SGCD: variants seen among roughly 807,000 people sequenced by gnomAD.
SGCD encodes the protein delta-sarcoglycan.
Under a neutral mutation model 36.6 loss-of-function variants are expected in SGCD, and 18 were observed. That is an observed-to-expected ratio of 0.49 (90% CI 0.34 to 0.73). The LOEUF is 0.73. Ranked by LOEUF, SGCD falls within the 30% of genes least tolerant of loss-of-function variation. The probability of loss-of-function intolerance (pLI) is 0.01; values close to 1 mark genes in which losing one functional copy is unlikely to be tolerated. For missense variants in SGCD, 387 were observed against 346.7 expected, an observed-to-expected ratio of 1.12 and a Z score of -0.92; for synonymous variants, 133 against 130.6, an observed-to-expected ratio of 1.02 and a Z score of -0.12.
intron 4 of SGCD, among the ~76,000 whole-genome samples, chr5:156,517,326 G>A (rs1757218936): frequency 6.6e-6 from 1 of 152,170 alleles, no homozygotes; most frequent in African/African-American, 2.4e-5. Context: ...AAGCTGCCAT[G>A]AACTATAGGA....
intron 3 of SGCD, among the ~76,000 whole-genome samples, chr5:156,300,173 C>T (rs1401720011): frequency 1.3e-5 from 2 of 152,034 alleles, no homozygotes; most frequent in Non-Finnish European, 2.9e-5. Context: ...CTTTATTCAG[C>T]ATCAACTAAA....
intron 4 of SGCD, among the ~76,000 whole-genome samples, chr5:156,528,535 A>C (rs1330761570): frequency 6.6e-6 from 1 of 152,178 alleles, no homozygotes; most frequent in Non-Finnish European, 1.5e-5. Flanking sequence ...TTGGAGAGAC[A>C]AACATCTCTT....
chr5:155,899,836 G>A (rs1756348684), intron 1 of SGCD, among the ~76,000 whole-genome samples: 2 of 152,154 alleles, frequency 1.3e-5, no homozygotes, highest in South Asian at 2.1e-4. Context: ...AGTTTTAGAC[G>A]CTTTGGAAAT....
At chr5:156,433,675 T>A (rs1753120289) in intron 3 of SGCD, among the ~76,000 whole-genome samples, 1 of 152,172 alleles carries the variant, frequency 6.6e-6, no homozygotes, top group Admixed American at 6.5e-5. Flanking sequence ...TAGTTGTATG[T>A]GATATTAGGC....
chr5:156,739,188 A>G (rs1414497006), intron 7 of SGCD, among the ~76,000 whole-genome samples: 3 of 152,198 alleles, frequency 2.0e-5, no homozygotes, highest in Non-Finnish European at 4.4e-5. Context: ...CTAGACTGCA[A>G]TAATAATCTT....
chr5:155,914,486 AAGGTCTATTTAATTC>A (rs1156508971), intron 1 of SGCD, among the ~76,000 whole-genome samples: 2 of 152,150 alleles, frequency 1.3e-5, no homozygotes, highest in African/African-American at 4.8e-5. Context: ...GAAGTGTAAT[AAGGTCTATTTAATTC>A]AGCATTCCAT....
At chr5:156,749,820 ATG>A (rs1381180164) in intron 7 of SGCD, among the ~76,000 whole-genome samples, 1 of 152,154 alleles carries the variant, frequency 6.6e-6, no homozygotes, top group African/African-American at 2.4e-5. Context: ...GGGTTTATCA[ATG>A]TGTTTAAACA....
chr5:156,432,959 C>T (rs1268892331), intron 3 of SGCD, among the ~76,000 whole-genome samples: 2 of 152,186 alleles, frequency 1.3e-5, no homozygotes, highest in East Asian at 3.9e-4. Context: ...AGGCACCTAG[C>T]TCCTGCATGT....
rs796297901 is a variant in SGCD at position 156,252,849 on chromosome 5, G to A, written c.-43-76685G>A. On this transcript the variant is annotated intron_variant, in intron 3 of 9. Coordinates refer to the SGCD transcript ENST00000517913. ...TCCTGTGGCTTTGAGTGCTCACAAG[G>A]TGTATTGCTGGATGGCCTTGCAAGT... is the stretch of plus-strand genomic sequence containing the variant. Among the ~76,000 whole-genome samples the A allele has an allele frequency of 3.5e-4, 54 of 152,280 alleles. 1 individual carries two copies. Among genetic ancestry groups the A allele is most frequent in the African/African-American group, 1.3e-3 (52 of 41,572 alleles).
chr5:155,846,636 G>A, the SGCD span, among the ~76,000 whole-genome samples: 1 of 152,172 alleles, frequency 6.6e-6, no homozygotes, highest in African/African-American at 2.4e-5. Flanking sequence ...TTGGTTCTCA[G>A]AGGGTGTATT....
rs141570202 is a variant in SGCD at position 156,433,945 on chromosome 5, T to A, written c.193-74656T>A. On this transcript the variant is annotated intron_variant, in intron 3 of 8. Transcript: ENST00000337851. ...GGAAAGGCAGAGACAGCTGCTTACA[T>A]AGCTAAAACTGAGATTCCCAGAATC... 9.1e-4 allele frequency among the ~76,000 whole-genome samples: 138 copies of A among 152,338 alleles called. 2 individuals carry two copies. In the East Asian group the frequency reaches 0.025, roughly 27 times the overall value.
At chr5:156,249,774 A>G (rs1284540404) in intron 3 of SGCD, among the ~76,000 whole-genome samples, 1 of 152,194 alleles carries the variant, frequency 6.6e-6, no homozygotes, top group African/African-American at 2.4e-5. Context: ...AAAGAACATA[A>G]TCAACTGTAT....
chr5:156,330,645 A>C (rs149848211), intron 2 of SGCD, among the ~76,000 whole-genome samples: 1,945 of 152,294 alleles, frequency 0.013, 49 homozygotes, highest in African/African-American at 0.045. Context: ...CTCCTGACAA[A>C]AACTATGGCT....
In SGCD at chr5:156,470,528, G is replaced by A. The variant is rs1329973571; in HGVS notation, c.193-38073G>A. 2.1e-5 allele frequency among the ~76,000 whole-genome samples: 3 copies of A among 140,912 alleles called. No individual in the cohort carries two copies. In the Admixed American group the frequency reaches 2.1e-4, roughly 10 times the overall value. 92.4% of individuals were successfully genotyped at this position (140,912 alleles called of 152,430 possible). On this transcript the variant is annotated intron_variant, in intron 3 of 8. Coordinates refer to ENST00000337851, the MANE Select transcript of SGCD (RefSeq NM_000337.6). ...CCCACCACAGTCCCCAGAGTGTGATGTTCCCCTTCCTGTGTCCATGTGTTC... is the reference window on the plus strand; with the variant it reads ...CCCACCACAGTCCCCAGAGTGTGATATTCCCCTTCCTGTGTCCATGTGTTC...
intron 6 of SGCD, among the ~76,000 whole-genome samples, chr5:156,629,557 C>T (rs556977886): frequency 1.2e-4 from 18 of 152,104 alleles, no homozygotes; most frequent in Non-Finnish European, 2.2e-4. Flanking sequence ...GTTTTCAATT[C>T]CAAGGGATGA....
intron 1 of SGCD, among the ~76,000 whole-genome samples, chr5:155,897,199 C>A (rs994580490): frequency 6.6e-6 from 1 of 152,196 alleles, no homozygotes; most frequent in Non-Finnish European, 1.5e-5. Flanking sequence ...GGCTGCAAAC[C>A]TGTAGAGCAT....
At chr5:156,197,167 G>A (rs904271355) in intron 3 of SGCD, among the ~76,000 whole-genome samples, 1 of 152,060 alleles carries the variant, frequency 6.6e-6, no homozygotes, top group Non-Finnish European at 1.5e-5. Flanking sequence ...GATTCCCTTA[G>A]AAAATTTGCC....
At chr5:156,046,953 A>T (rs1450349783) in intron 1 of SGCD, among the ~76,000 whole-genome samples, 1 of 152,176 alleles carries the variant, frequency 6.6e-6, no homozygotes, top group Non-Finnish European at 1.5e-5. Context: ...GAAGAAAATT[A>T]AAAGTGCTAT....
At chr5:156,157,632 T>C (rs1762995759) in intron 3 of SGCD, among the ~76,000 whole-genome samples, 1 of 151,786 alleles carries the variant, frequency 6.6e-6, no homozygotes, top group African/African-American at 2.4e-5. Flanking sequence ...CTATAGTATA[T>C]AAACAAGAGG....
Sources: allele counts gnomAD v4.1 joint callset (sites outside exome capture counted in the v4.1 genomes callset), GRCh38; gene constraint gnomAD v4.1.1; transcripts MANE v1.5; gene names NCBI Gene and HGNC (gene_info 2026-07-23, HGNC 2026-07-21).